The following ATXN2 variants were observed in gnomAD, a reference collection of about 807,000 sequenced individuals.
ATXN2 encodes ataxin-2.
ATXN2 carries 37 observed loss-of-function variants against 138.6 expected under a neutral mutation model. That is an observed-to-expected ratio of 0.27 (90% CI 0.21 to 0.35). ATXN2 has a LOEUF of 0.35. ATXN2 is among the 10% of genes least tolerant of loss of function. The probability of loss-of-function intolerance (pLI) is 1.00; values close to 1 mark genes in which losing one functional copy is unlikely to be tolerated. For synonymous variants in ATXN2, 549 were observed against 543.7 expected, an observed-to-expected ratio of 1.01 and a Z score of -0.13; for missense variants, 1,216 against 1,480.3, an observed-to-expected ratio of 0.82 and a Z score of 2.93.
intron 21 of ATXN2, among the ~76,000 whole-genome samples, chr12:111,464,295 T>G (rs1378163105): frequency 6.9e-6 from 1 of 144,716 alleles, no homozygotes; most frequent in African/African-American, 2.6e-5. Context: ...TAAATAAACA[T>G]TTTAAATTTA....
At chr12:111,553,620 A>T (rs1882242350) in intron 3 of ATXN2, among the ~76,000 whole-genome samples, 1 of 53,764 alleles carries the variant, frequency 1.9e-5, no homozygotes, top group African/African-American at 5.7e-4. Context: ...TTTTTTGAGA[A>T]GGGGTCTGTC....
chr12:111,483,194 T>TACACATAC (rs1877376501), intron 18 of ATXN2, among the ~76,000 whole-genome samples: 1 of 95,422 alleles, frequency 1.0e-5, no homozygotes, highest in Non-Finnish European at 1.9e-5. Flanking sequence ...ATCAAACACA[T>TACACATAC]ACACACACAC....
At chr12:111,510,204 C>T (rs886568539) in intron 12 of ATXN2, among the ~76,000 whole-genome samples, 181 bp downstream of exon 12, 4 of 152,088 alleles carry the variant, frequency 2.6e-5, no homozygotes, top group Non-Finnish European at 4.4e-5. Flanking sequence ...ACCTTTGTAA[C>T]ACAGACACTA....
intron 18 of ATXN2, among the ~76,000 whole-genome samples, chr12:111,473,869 G>A (rs1323164971): frequency 2.0e-5 from 3 of 151,976 alleles, no homozygotes; most frequent in Non-Finnish European, 4.4e-5. Flanking sequence ...CAGGGATACA[G>A]TCAGCAAAAT....
chr12:111,500,248 G>A (rs907019813), intron 14 of ATXN2, among the ~76,000 whole-genome samples: 4 of 151,972 alleles, frequency 2.6e-5, no homozygotes, highest in Admixed American at 2.0e-4. Flanking sequence ...AAGAAAATGT[G>A]GTATATATAC....
intron 18 of ATXN2, among the ~76,000 whole-genome samples, chr12:111,483,987 A>G (rs1877457884): frequency 6.6e-6 from 1 of 151,280 alleles, no homozygotes; most frequent in Non-Finnish European, 1.5e-5. Context: ...GGTTTTTGCC[A>G]TGTTGCCCAG....
At chr12:111,561,095 C>T (rs1287974656) in intron 1 of ATXN2, among the ~76,000 whole-genome samples, 2 of 150,200 alleles carry the variant, frequency 1.3e-5, no homozygotes, top group African/African-American at 2.5e-5. Flanking sequence ...TAAGGCAGGA[C>T]AATGGTGTGA....
At chr12:111,575,110 T>G (rs571441555) in intron 1 of ATXN2, among the ~76,000 whole-genome samples, 2 of 152,182 alleles carry the variant, frequency 1.3e-5, no homozygotes, top group Non-Finnish European at 2.9e-5. Flanking sequence ...CCTAATCAAT[T>G]TTTCAAGCTG....
rs148313524 is a variant in ATXN2, at chr12:111,572,257, C to T, written c.252-16338G>A. The stretch of plus-strand genomic sequence containing the variant: ...CTCTACTAAATACAAAGAAATTAGC[C>T]GAGCGTGGTGGCACATGCCTATAAC... On this transcript the variant is annotated intron_variant, in intron 1 of 24. Coordinates refer to ENST00000673436, the MANE Select transcript of ATXN2 (RefSeq NM_001372574.1). Among the ~76,000 whole-genome samples, 389 of 151,782 alleles carry T rather than the reference C, an allele frequency of 2.6e-3. 1 individual carries two copies. The highest frequency in any genetic ancestry group is 9.0e-3 in the African/African-American group (374 of 41,380).
chr12:111,567,194 A>G (rs1372653043), intron 1 of ATXN2, among the ~76,000 whole-genome samples: 3 of 152,188 alleles, frequency 2.0e-5, no homozygotes, highest in African/African-American at 4.8e-5. Flanking sequence ...AAATGACAAC[A>G]AAAGATTATG....
intron 1 of ATXN2, among the ~76,000 whole-genome samples, chr12:111,580,823 G>A (rs1273836087): frequency 6.6e-6 from 1 of 151,938 alleles, no homozygotes; most frequent in African/African-American, 2.4e-5. Flanking sequence ...AAAAGGAGAG[G>A]AGGGATGAAG....
chr12:111,465,626 C>T (rs568882035), intron 20 of ATXN2, among the ~76,000 whole-genome samples: 1 of 151,540 alleles, frequency 6.6e-6, no homozygotes, highest in South Asian at 2.1e-4. Flanking sequence ...AAAAATTGGC[C>T]GGTCGTGGTG....
In ATXN2 at chr12:111,550,415, C is replaced by T. The variant is rs949895951; in HGVS notation, c.571+1865G>A. Among the ~76,000 whole-genome samples the T allele has an allele frequency of 9.9e-5, 15 of 152,168 alleles. No individual in the cohort carries two copies. The East Asian group carries it at 1.5e-3, about 16-fold the overall frequency. ...ATAAAAACAAAAAGACAATGCATAC[C>T]GTAAATGGCTGTTAAATGACCTGGT... On this transcript the variant is annotated intron_variant, in intron 5 of 24. Transcript: ENST00000673436.
rs1279118019 is a variant in ATXN2 at position 111,599,273 on chromosome 12, C to A, written c.-239G>T. ...GGGCCGAAACGCGCCGCCGCCGTTG[C>A]CGTTGCTACCAAAACAGTCTGAGGC... On this transcript the variant is annotated 5_prime_UTR_variant, in exon 1 of 25. Coordinates refer to ENST00000673436, the MANE Select transcript of ATXN2 (RefSeq NM_001372574.1). 1 of 1,068,728 alleles carries A rather than the reference C, an allele frequency of 9.4e-7. No individual in the cohort carries two copies. Among genetic ancestry groups the A allele is most frequent in the Non-Finnish European group, 1.1e-6 (1 of 887,994 alleles). The allele number at this position is 1,068,728 out of a possible 1,614,324, so 66.2% of individuals were successfully genotyped here. A position where few individuals can be genotyped will look rare whatever the true frequency, so the allele number is the denominator to read the frequency against.
chr12:111,549,941 G>C (rs926655971), intron 5 of ATXN2, among the ~76,000 whole-genome samples: 1 of 150,206 alleles, frequency 6.7e-6, no homozygotes, highest in African/African-American at 2.5e-5. Context: ...ACATGCCTCA[G>C]TAACCAGCTA....
At chr12:111,591,587 C>A (rs1352860441) in intron 1 of ATXN2, among the ~76,000 whole-genome samples, 1 of 151,938 alleles carries the variant, frequency 6.6e-6, no homozygotes, top group African/African-American at 2.4e-5. Flanking sequence ...AATGCTTGGC[C>A]CCATAGATTG....
intron 2 of ATXN2, 123 bp from the exon 3 acceptor site, chr12:111,554,340 C>T (rs983114652): frequency 1.7e-6 from 1 of 588,394 alleles, no homozygotes; most frequent in African/African-American, 2.0e-5. Flanking sequence ...GGGATATTTG[C>T]ATTATACTTA....
At chr12:111,548,940 C>T (rs544330829) in intron 5 of ATXN2, among the ~76,000 whole-genome samples, 1 of 152,066 alleles carries the variant, frequency 6.6e-6, no homozygotes, top group Non-Finnish European at 1.5e-5. Flanking sequence ...CCAGGCTGGT[C>T]TCGAACTCCT....
chr12:111,467,828 C>G (rs2135670529), intron 20 of ATXN2, among the ~76,000 whole-genome samples: 1 of 152,266 alleles, frequency 6.6e-6, no homozygotes. Flanking sequence ...CAGTATTTAC[C>G]CTATAGGCTG....
Sources: gnomAD v4.1 joint callset for allele counts (sites outside exome capture counted in the v4.1 genomes callset) on GRCh38, gnomAD v4.1.1 for gene constraint, MANE v1.5 for transcripts, NCBI Gene and HGNC (gene_info 2026-07-23, HGNC 2026-07-21) for gene names.